KSR1: variants seen among roughly 807,000 people sequenced by gnomAD.
KSR1 encodes kinase suppressor of ras 1, also known as kinase suppressor of ras.
Under a neutral mutation model 92.9 loss-of-function variants are expected in KSR1, and 35 were observed. The observed-to-expected ratio is 0.38, with a 90% CI of 0.29 to 0.50. The LOEUF is 0.50. Among genes scored for constraint, KSR1 ranks in the 20% least tolerant of loss-of-function variants. The pLI is 0.94. For synonymous variants in KSR1, 467 were observed against 472.6 expected (o/e 0.99, Z 0.15); for missense variants, 972 against 1,158.5 (o/e 0.84, Z 2.34).
chr17:27,607,689 A>T (rs1327684640), intron 14 of KSR1, among the ~76,000 whole-genome samples: 5 of 152,014 alleles, frequency 3.3e-5, no homozygotes, highest in Non-Finnish European at 4.4e-5. Flanking sequence ...CTCTCAGGGA[A>T]TGGGGGTTTG....
intron 1 of KSR1, among the ~76,000 whole-genome samples, chr17:27,494,810 C>G (rs1219678154): frequency 6.6e-6 from 1 of 152,198 alleles, no homozygotes; most frequent in African/African-American, 2.4e-5. Context: ...TGGGCGGTGT[C>G]CCTTCCAAGT....
chr17:27,605,822 G>A lies in KSR1; in HGVS notation c.1994+9G>A, dbSNP rs1307058087. 1.9e-6 allele frequency: 3 copies of A among 1,611,906 alleles called. No individual in the cohort carries two copies. In the African/African-American group the frequency reaches 4.0e-5, roughly 22 times the overall value. ...CTGGCCATTATCACCAGGTAACCAA[G>A]CCCTAGGACCTCATGCTGGATGGCC... On this transcript the variant is annotated intron_variant, in intron 14 of 20. Transcript: ENST00000644974.
chr17:27,568,181 A>AC (rs1448838752), intron 2 of KSR1, among the ~76,000 whole-genome samples: 2 of 151,944 alleles, frequency 1.3e-5, no homozygotes, highest in African/African-American at 4.8e-5. Context: ...TCCTAGTTGG[A>AC]CCCCCATGGG....
intron 1 of KSR1, among the ~76,000 whole-genome samples, chr17:27,518,999 G>T (rs2069912849): frequency 6.6e-6 from 1 of 152,218 alleles, no homozygotes; most frequent in Non-Finnish European, 1.5e-5. Context: ...GGGTCACATT[G>T]CCTAGAAGAG....
chr17:27,548,996 G>A (rs143530124), intron 1 of KSR1, among the ~76,000 whole-genome samples: 1 of 152,294 alleles, frequency 6.6e-6, no homozygotes, highest in African/African-American at 2.4e-5. Context: ...AAATGCTCCA[G>A]TGAGCATTTC....
intron 1 of KSR1, among the ~76,000 whole-genome samples, chr17:27,497,026 A>G (rs2150972319): frequency 6.6e-6 from 1 of 152,280 alleles, no homozygotes; most frequent in Admixed American, 6.5e-5. Flanking sequence ...GGTGTTTTCT[A>G]GGGGCAGCAG....
At chr17:27,603,359 C>T (rs2073635017) in intron 11 of KSR1, among the ~76,000 whole-genome samples, 1 of 152,248 alleles carries the variant, frequency 6.6e-6, no homozygotes, top group Non-Finnish European at 1.5e-5. Flanking sequence ...GCTAATGAGC[C>T]ACCTGCATGT....
intron 1 of KSR1, among the ~76,000 whole-genome samples, chr17:27,548,229 CA>C (rs34481724): frequency 0.34 from 30,435 of 89,714 alleles, 2,851 homozygotes; most frequent in African/African-American, 0.36. Context: ...GACCCCATCT[CA>C]AAAAAAAAAA....
In KSR1 at chr17:27,603,860, C is replaced by G; in HGVS notation, c.1537C>G (p.Pro513Ala). 1 of 1,613,958 alleles carries G rather than the reference C, an allele frequency of 6.2e-7. No individual in the cohort carries two copies. The highest frequency in any genetic ancestry group is 8.5e-7 in the Non-Finnish European group (1 of 1,179,878). The change falls in exon 12 of 21, where the codon CCG (proline) becomes GCG (alanine). Residue 513 changes from proline to alanine, a missense_variant. Pro to Ala is a conservative substitution (Grantham distance 27). Around this residue, in one of 5 missense-constraint regions of KSR1, gnomAD observed 611 missense variants for 668.0 expected, o/e 0.91. Transcript: ENST00000644974. ...PDISAFAHAA[P>A]LPEAADGTRL... is the part of the protein sequence containing the mutation. ...CATTTCAGCCTTTGCACACGCAGCC[C>G]CGCTCCCTGAAGCTGCCGACGGTAC...
At chr17:27,585,871 C>T in intron 5 of KSR1, 1 of 611,694 alleles carries the variant, frequency 1.6e-6, no homozygotes, top group Non-Finnish European at 3.0e-6. Context: ...CTGGTGGCTG[C>T]TCTCTGAGAA....
intron 1 of KSR1, among the ~76,000 whole-genome samples, chr17:27,531,872 T>A (rs1430249515): frequency 6.6e-6 from 1 of 152,178 alleles, no homozygotes; most frequent in East Asian, 1.9e-4. Flanking sequence ...TTTTATACAC[T>A]TCTCAAAACA....
intron 1 of KSR1, among the ~76,000 whole-genome samples, chr17:27,471,748 A>G (rs2020020324): frequency 1.3e-5 from 2 of 152,150 alleles, no homozygotes; most frequent in African/African-American, 2.4e-5. Flanking sequence ...ATAAGAGTGA[A>G]TGAGAGATGT....
At chr17:27,566,727 A>G (rs1309673180) in intron 2 of KSR1, among the ~76,000 whole-genome samples, 1 of 152,224 alleles carries the variant, frequency 6.6e-6, no homozygotes, top group East Asian at 1.9e-4. Context: ...TCATGACTTC[A>G]TTCGCTGTCT....
At chr17:27,487,168 C>T (rs1597863447) in intron 1 of KSR1, among the ~76,000 whole-genome samples, 1 of 152,340 alleles carries the variant, frequency 6.6e-6, no homozygotes, top group Middle Eastern at 3.4e-3. Flanking sequence ...GGCGCGATGG[C>T]TCACGCCTGT....
intron 1 of KSR1, among the ~76,000 whole-genome samples, chr17:27,480,268 C>T (rs1198385240): frequency 1.3e-5 from 2 of 152,220 alleles, no homozygotes; most frequent in African/African-American, 4.8e-5. Flanking sequence ...TGTGAACCCT[C>T]CTGCCTCCCC....
chr17:27,580,772 A>G (rs886365035), intron 3 of KSR1, among the ~76,000 whole-genome samples: 40 of 152,040 alleles, frequency 2.6e-4, no homozygotes, highest in African/African-American at 9.7e-4. Context: ...GTAAAGAAAT[A>G]CCTGAAACTG....
chr17:27,579,817 A>C (rs993184359), intron 3 of KSR1: 2 of 134,824 alleles, frequency 1.5e-5, no homozygotes, highest in Admixed American at 1.7e-4. Context: ...TAGGGGTTGC[A>C]GTGAGCCAAG....
At chr17:27,464,142 G>C (rs2019570784) in intron 1 of KSR1, among the ~76,000 whole-genome samples, 1 of 152,182 alleles carries the variant, frequency 6.6e-6, no homozygotes, top group Non-Finnish European at 1.5e-5. Flanking sequence ...TCTGATTGTG[G>C]GGTGTTGACC....
At chr17:27,506,238 C>T (rs1181363521) in intron 1 of KSR1, among the ~76,000 whole-genome samples, 2 of 152,164 alleles carry the variant, frequency 1.3e-5, no homozygotes, top group Non-Finnish European at 2.9e-5. Context: ...CTCAGTGTGG[C>T]CTTGGCCCCT....
Sources: allele counts gnomAD v4.1 joint callset (sites outside exome capture counted in the v4.1 genomes callset), GRCh38; gene constraint gnomAD v4.1.1; regional missense constraint gnomAD v4.1.1; transcripts MANE v1.5; gene names NCBI Gene and HGNC (gene_info 2026-07-23, HGNC 2026-07-21).